The following DNAH7 variants were observed in gnomAD, a reference collection of about 807,000 sequenced individuals.
DNAH7 encodes axonemal beta dynein heavy chain 7.
In DNAH7, 397 loss-of-function variants were observed where a neutral mutation model predicts 444.6. The observed-to-expected ratio is 0.89, with a 90% CI of 0.82 to 0.97. The LOEUF is 0.97. Among genes scored for constraint, DNAH7 ranks in the 50% least tolerant of loss-of-function variants. The probability of loss-of-function intolerance (pLI) is 0.00; values close to 1 mark genes in which losing one functional copy is unlikely to be tolerated. For missense variants in DNAH7, 4,902 were observed against 4,800.8 expected (o/e 1.02, Z -0.62); for synonymous variants, 1,636 against 1,624.4 (o/e 1.01, Z -0.17).
chr2:195,948,534 T>C (rs1689985147), intron 19 of DNAH7, among the ~76,000 whole-genome samples: 1 of 152,306 alleles, frequency 6.6e-6, no homozygotes, highest in East Asian at 1.9e-4. Context: ...CCCAACACCA[T>C]TTATTAAATA....
intron 5 of DNAH7, among the ~76,000 whole-genome samples, chr2:196,043,488 T>C (rs926309531): frequency 4.6e-5 from 7 of 152,166 alleles, no homozygotes; most frequent in Admixed American, 2.6e-4. Flanking sequence ...GAAAAACTTC[T>C]GGATATTAGC....
chr2:196,003,076 G>GA (rs201411620), intron 10 of DNAH7, among the ~76,000 whole-genome samples: 106 of 129,654 alleles, frequency 8.2e-4, no homozygotes, highest in African/African-American at 2.3e-3. Flanking sequence ...TGTCATAAAA[G>GA]AAAAAAAAAT....
rs144983928 is a variant in DNAH7, at chr2:195,988,892, T to C, written c.1354-663A>G. ...ACCACTACTCTACTCTTTATTTCTA[T>C]GAGATCAACTTTTTCAGATTCAACA... On this transcript the variant is annotated intron_variant, in intron 12 of 64. Coordinates refer to ENST00000312428, the MANE Select transcript of DNAH7 (RefSeq NM_018897.3). 1.1e-4 allele frequency among the ~76,000 whole-genome samples: 16 copies of C among 152,268 alleles called. 1 individual carries two copies. The East Asian group carries it at 3.1e-3, about 29-fold the overall frequency.
chr2:195,774,934 C>T (rs371029775), intron 60 of DNAH7, among the ~76,000 whole-genome samples: 2 of 152,174 alleles, frequency 1.3e-5, no homozygotes, highest in Non-Finnish European at 2.9e-5. Context: ...GGAACTCTTG[C>T]CATTTGGACT....
chr2:195,900,081 C>T (rs974353192), intron 28 of DNAH7, among the ~76,000 whole-genome samples: 2 of 152,118 alleles, frequency 1.3e-5, no homozygotes, highest in Admixed American at 1.3e-4. Flanking sequence ...GAACTCAAAT[C>T]ACTAAGAATT....
rs1351013268 is a variant in DNAH7 at position 195,824,344 on chromosome 2, C to T, written c.9202G>A (p.Asp3068Asn). ...QGGSTCIRLG[D>N]STIEYAPDFR... ...TCAGGTGCATATTCAATTGTGGAGT[C>T]CCCAAGCCGGATACATGTACTCCCA... Residue 3068 changes from aspartate to asparagine, a missense_variant, in exon 49 of 65, where the codon GAC (aspartate) becomes AAC (asparagine). Coordinates refer to ENST00000312428, the MANE Select transcript of DNAH7 (RefSeq NM_018897.3). 2 of 1,613,838 alleles carry T rather than the reference C, an allele frequency of 1.2e-6. No homozygotes were observed. Among genetic ancestry groups the T allele is most frequent in the Non-Finnish European group, 1.7e-6 (2 of 1,179,864 alleles).
Position 195,936,673 on chromosome 2 carries a change from G to A in DNAH7, c.3198C>T (p.Leu1066=). The change falls in exon 20 of 65, where the codon CTC becomes CTT. Residue 1066 remains leucine, a synonymous_variant. Transcript: ENST00000312428. ...GLNEYLEKKR[L]FFPRFFFLSN... ...ACAAAAAAAAGAATCTGGGGAAAAA[G>A]AGGCGTTTCTTTTCCAAATATTCAT... 1.2e-6 allele frequency: 2 copies of A among 1,604,938 alleles called. No homozygotes were observed. Among genetic ancestry groups the A allele is most frequent in the Non-Finnish European group, 1.7e-6 (2 of 1,176,856 alleles).
chr2:195,809,724 A>G, intron 52 of DNAH7, 21 bp downstream of exon 52: 1 of 1,501,538 alleles, frequency 6.7e-7, no homozygotes. Context: ...TTTTTTTCTT[A>G]CAAATGAAAA....
Position 196,050,515 on chromosome 2 carries a change from T to C in DNAH7, c.141+672A>G, listed in dbSNP as rs570137953. ...TTTTATGTTATGTATATTTTATCAATTTTTTTAAAAAATAATAATATTTGC... is the reference window on the plus strand; with the variant it reads ...TTTTATGTTATGTATATTTTATCAACTTTTTTAAAAAATAATAATATTTGC... On this transcript the variant is annotated intron_variant, in intron 3 of 64. Transcript: ENST00000312428. 1.4e-3 allele frequency among the ~76,000 whole-genome samples: 212 copies of C among 152,308 alleles called. 1 individual carries two copies. The highest frequency in any genetic ancestry group is 5.0e-3 in the African/African-American group (209 of 41,552).
intron 58 of DNAH7, among the ~76,000 whole-genome samples, chr2:195,782,032 A>T (rs1020442524): frequency 1.4e-5 from 2 of 138,516 alleles, no homozygotes; most frequent in Non-Finnish European, 3.2e-5. Flanking sequence ...CACCCCTACC[A>T]AAACAAGAAT....
At chr2:195,842,620 TACC>T (rs1300988580) in intron 47 of DNAH7, among the ~76,000 whole-genome samples, 1 of 152,156 alleles carries the variant, frequency 6.6e-6, no homozygotes, top group Non-Finnish European at 1.5e-5. Context: ...GTATAGTTGC[TACC>T]ACAACTTTCT....
At chr2:195,971,644 A>G (rs1691849877) in intron 16 of DNAH7, among the ~76,000 whole-genome samples, 1 of 152,120 alleles carries the variant, frequency 6.6e-6, no homozygotes, top group Admixed American at 6.5e-5. Context: ...GAAGCATAGG[A>G]GAGCAGACAT....
At chr2:195,812,159 T>C (rs1697001419) in intron 51 of DNAH7, among the ~76,000 whole-genome samples, 1 of 152,082 alleles carries the variant, frequency 6.6e-6, no homozygotes, top group Non-Finnish European at 1.5e-5. Flanking sequence ...GTTCCTATGA[T>C]TGTGTTTCCA....
At chr2:195,984,973 A>G (rs925980826) in intron 14 of DNAH7, among the ~76,000 whole-genome samples, 1 of 152,202 alleles carries the variant, frequency 6.6e-6, no homozygotes, top group Non-Finnish European at 1.5e-5. Flanking sequence ...GCAACTCACA[A>G]TACAGTAAGG....
intron 12 of DNAH7, among the ~76,000 whole-genome samples, chr2:195,996,125 A>G (rs1170345174): frequency 2.0e-5 from 3 of 152,028 alleles, no homozygotes; most frequent in Admixed American, 6.5e-5. Flanking sequence ...GTGCAATGTC[A>G]TATCATCATA....
intron 55 of DNAH7, among the ~76,000 whole-genome samples, chr2:195,796,960 T>C (rs1203483735): frequency 6.6e-6 from 1 of 152,128 alleles, no homozygotes; most frequent in African/African-American, 2.4e-5. Flanking sequence ...TGGCAATAAA[T>C]GGAAAATTCT....
At chr2:196,038,684 G>C (rs1696543134) in intron 5 of DNAH7, among the ~76,000 whole-genome samples, 2 of 152,094 alleles carry the variant, frequency 1.3e-5, no homozygotes, top group South Asian at 4.1e-4. Flanking sequence ...AATTTGCATG[G>C]TATATCTTCA....
At chr2:196,008,939 C>G (rs1371568362) in intron 10 of DNAH7, among the ~76,000 whole-genome samples, 1 of 151,872 alleles carries the variant, frequency 6.6e-6, no homozygotes, top group African/African-American at 2.4e-5. Context: ...GTTCTAGCAT[C>G]TGATTCCAGT....
At chr2:195,956,546 G>A (rs1303214691) in intron 19 of DNAH7, among the ~76,000 whole-genome samples, 2 of 151,988 alleles carry the variant, frequency 1.3e-5, no homozygotes, top group Non-Finnish European at 2.9e-5. Flanking sequence ...AGTTACTTGG[G>A]AGGCTGAGGC....
Sources: allele counts gnomAD v4.1 joint callset (sites outside exome capture counted in the v4.1 genomes callset), GRCh38; gene constraint gnomAD v4.1.1; transcripts MANE v1.5; gene names NCBI Gene and HGNC (gene_info 2026-07-23, HGNC 2026-07-21).